Variants in MGST1 observed in about 807,000 individuals in gnomAD.
MGST1 encodes glutathione S-transferase 12.
In MGST1, 5 loss-of-function variants were observed where a neutral mutation model predicts 8.9. The observed-to-expected ratio is 0.56, with a 90% confidence interval of 0.29 to 1.19. The LOEUF (loss-of-function observed/expected upper bound fraction) is 1.19, where lower values mean the gene tolerates loss of function less well. Among genes scored for constraint, MGST1 ranks in the 50% most tolerant of loss-of-function variants. The pLI, the probability that MGST1 is intolerant of heterozygous loss-of-function variation, is 0.08. For synonymous variants in MGST1, 54 were observed against 67.8 expected (o/e 0.80, Z 1.00); for missense variants, 182 against 187.4 (o/e 0.97, Z 0.17).
intron 4 of MGST1, among the ~76,000 whole-genome samples, chr12:16,522,487 T>G (rs1033632070): frequency 8.5e-5 from 13 of 152,050 alleles, no homozygotes; most frequent in Non-Finnish European, 1.6e-4. Context: ...CTTCTAGCCT[T>G]TTTTTCTTTG....
intron 4 of MGST1, among the ~76,000 whole-genome samples, chr12:16,492,276 C>G (rs1380512698): frequency 2.0e-5 from 3 of 152,088 alleles, no homozygotes; most frequent in African/African-American, 4.8e-5. Flanking sequence ...GCTGACAGCA[C>G]TTTAGGGTAG....
chr12:16,400,750 A>G, intron 1 of MGST1: 1 of 1,271,506 alleles, frequency 7.9e-7, no homozygotes, highest in Non-Finnish European at 1.2e-6. Context: ...CCACGGACAT[A>G]CTTATATTCT....
downstream of MGST1, chr12:16,367,287 C>T (rs1053809953): frequency 2.6e-5 from 4 of 151,992 alleles, no homozygotes; most frequent in East Asian, 1.9e-4. Context: ...GTCAAATAGA[C>T]GAGTCTATTT....
downstream of MGST1, among the ~76,000 whole-genome samples, chr12:16,442,916 C>G (rs1941050248): frequency 6.6e-6 from 1 of 151,698 alleles, no homozygotes; most frequent in Non-Finnish European, 1.5e-5. This position sits in a 1 kb window ranked among gnomAD's most constrained non-coding sequence, Gnocchi z 4.5. Flanking sequence ...CTTTTATATA[C>G]TTACTGATTT....
intron 4 of MGST1, among the ~76,000 whole-genome samples, chr12:16,462,949 C>T (rs1425441764): frequency 1.3e-5 from 2 of 152,124 alleles, no homozygotes; most frequent in Admixed American, 1.3e-4. Flanking sequence ...ATAACTTTGG[C>T]AAATCTGATA....
chr12:16,409,270 ATGTGTGTGTTTG>A (rs1182467545), intron 1 of MGST1, among the ~76,000 whole-genome samples: 1 of 151,836 alleles, frequency 6.6e-6, no homozygotes, highest in African/African-American at 2.4e-5. Context: ...TAATGTGTGT[ATGTGTGTGTTTG>A]TGTGTGTGTA....
rs928602970 is a variant in MGST1, at chr12:16,589,115, C to A, written n.483-413C>A. 2.0e-5 allele frequency among the ~76,000 whole-genome samples: 3 copies of A among 152,060 alleles called. No individual in the cohort carries two copies. Among genetic ancestry groups the A allele is most frequent in the African/African-American group, 7.2e-5 (3 of 41,436 alleles). On this transcript the variant is annotated intron_variant and non_coding_transcript_variant, in intron 4 of 4. Transcript: ENST00000538857. The surrounding 1 kb of genome is among the most constrained non-coding windows in gnomAD (Gnocchi z 4.2). ...CCTCACCGTGATGCAACCTGACATG[C>A]CTCTAAGATCTACGAATTAGATGTA...
At chr12:16,524,676 T>A (rs147394980) in intron 4 of MGST1, among the ~76,000 whole-genome samples, 3 of 152,182 alleles carry the variant, frequency 2.0e-5, no homozygotes, top group African/African-American at 7.2e-5. Flanking sequence ...CAACCTAAAC[T>A]TCAAAGGTAC....
intron 1 of MGST1, among the ~76,000 whole-genome samples, chr12:16,396,151 A>T (rs913729409): frequency 2.0e-5 from 3 of 152,206 alleles, no homozygotes; most frequent in Admixed American, 2.0e-4. Context: ...TGCAGGAGTA[A>T]GGTGGTATTG....
intron 4 of MGST1, among the ~76,000 whole-genome samples, chr12:16,579,223 G>A (rs966717924): frequency 2.6e-5 from 4 of 152,014 alleles, no homozygotes; most frequent in African/African-American, 7.3e-5. Context: ...TAGGGTAACC[G>A]TCATTAAATG....
At chr12:16,350,195 A>G (rs573899900) in intron 1 of MGST1, among the ~76,000 whole-genome samples, 3 of 152,158 alleles carry the variant, frequency 2.0e-5, no homozygotes, top group South Asian at 4.1e-4. Context: ...CCGAATGCCA[A>G]TCTAGTTCCA....
chr12:16,573,167 T>C (rs1484840321), intron 4 of MGST1, among the ~76,000 whole-genome samples: 3 of 152,058 alleles, frequency 2.0e-5, no homozygotes, highest in African/African-American at 7.2e-5. Flanking sequence ...TATTCCAATG[T>C]CTATTCATAA....
chr12:16,593,322 C>A (rs1943549927), downstream of MGST1, among the ~76,000 whole-genome samples: 1 of 151,704 alleles, frequency 6.6e-6, no homozygotes, highest in South Asian at 2.1e-4. This position sits in a 1 kb window ranked among gnomAD's most constrained non-coding sequence, Gnocchi z 4.2. Flanking sequence ...TAAATTGAAT[C>A]ATAACAACAC....
At chr12:16,463,626 A>G (rs999308495) in intron 4 of MGST1, among the ~76,000 whole-genome samples, 10 of 151,342 alleles carry the variant, frequency 6.6e-5, no homozygotes, top group Admixed American at 4.6e-4. Context: ...AAAAGAAATC[A>G]GTGAGGCAGA....
chr12:16,356,048 C>T (rs1445796855), intron 2 of MGST1, among the ~76,000 whole-genome samples: 1 of 152,110 alleles, frequency 6.6e-6, no homozygotes, highest in African/African-American at 2.4e-5. Flanking sequence ...AGGAAGCAAA[C>T]TCTCTCCTTT....
At chr12:16,421,878 C>T (rs1177564913) in intron 1 of MGST1, among the ~76,000 whole-genome samples, 1 of 152,134 alleles carries the variant, frequency 6.6e-6, no homozygotes, top group Non-Finnish European at 1.5e-5. Context: ...ATGTAATTAG[C>T]CTGACACAAA....
chr12:16,584,956 T>C lies in MGST1; in HGVS notation n.483-4572T>C, dbSNP rs1190799019. On this transcript the variant is annotated intron_variant and non_coding_transcript_variant, in intron 4 of 4. Transcript: ENST00000538857. The surrounding 1 kb of genome is among the most constrained non-coding windows in gnomAD (Gnocchi z 5.2). ...GTTATCTGAAACCAGAATTTTATGA[T>C]TCTGACCAAAAAGTTACATACTAGT... Among the ~76,000 whole-genome samples the C allele has an allele frequency of 1.8e-4, 28 of 152,232 alleles. 1 individual carries two copies. Among genetic ancestry groups the C allele is most frequent in the Admixed American group, 1.8e-3 (28 of 15,286 alleles).
chr12:16,539,356 A>G (rs190770476), intron 4 of MGST1, among the ~76,000 whole-genome samples: 13 of 152,328 alleles, frequency 8.5e-5, no homozygotes, highest in Admixed American at 5.2e-4. Context: ...TATTACATTT[A>G]CCACCCAGGT....
Position 16,546,205 on chromosome 12 carries a change from G to A in MGST1, n.483-43323G>A, listed in dbSNP as rs80110323. ...TTACCTGTTTCAAATGAACTGTTTTGCTTTAGGTGATTTAAACTCTTCTCC... is the reference window on the plus strand; with the variant it reads ...TTACCTGTTTCAAATGAACTGTTTTACTTTAGGTGATTTAAACTCTTCTCC... On this transcript the variant is annotated intron_variant and non_coding_transcript_variant, in intron 4 of 4. Transcript: ENST00000538857. The surrounding 1 kb of genome is among the most constrained non-coding windows in gnomAD (Gnocchi z 4.7). Among the ~76,000 whole-genome samples, 20,549 of 152,046 alleles carry A rather than the reference G, an allele frequency of 0.14. 4,140 individuals are homozygous for A. Among genetic ancestry groups the A allele is most frequent in the African/African-American group, 0.44 (18,199 of 41,458 alleles).
Sources: allele counts gnomAD v4.1 joint callset (sites outside exome capture counted in the v4.1 genomes callset), GRCh38; gene constraint gnomAD v4.1.1; non-coding constraint Gnocchi (gnomAD v3.1); transcripts MANE v1.5; gene names NCBI Gene and HGNC (gene_info 2026-07-23, HGNC 2026-07-21).